Variants in SLC25A40 observed in about 807,000 individuals in gnomAD.
SLC25A40 encodes solute carrier family 25 member 40.
A neutral mutation model predicts 46.5 loss-of-function variants in SLC25A40; 41 were observed. That is an observed-to-expected ratio of 0.88 (90% CI 0.69 to 1.14). SLC25A40 has a LOEUF of 1.14. Ranked by LOEUF, SLC25A40 falls within the 50% of genes most tolerant of loss-of-function variation. SLC25A40 has a pLI of 0.00. For synonymous variants in SLC25A40, 126 were observed against 127.5 expected (o/e 0.99, Z 0.08); for missense variants, 386 against 393.6 (o/e 0.98, Z 0.16).
chr7:87,868,650 G>A (rs1038203638), intron 1 of SLC25A40, among the ~76,000 whole-genome samples: 71 of 152,164 alleles, frequency 4.7e-4, no homozygotes, highest in African/African-American at 1.7e-3. Context: ...AAAGGGAACG[G>A]GTGAAGAAAT....
chr7:87,867,307 C>A (rs1272858255), intron 1 of SLC25A40, among the ~76,000 whole-genome samples: 2 of 151,982 alleles, frequency 1.3e-5, no homozygotes, highest in Non-Finnish European at 2.9e-5. Context: ...TCTTTTTATT[C>A]TCCTCTGTGT....
intron 10 of SLC25A40, among the ~76,000 whole-genome samples, chr7:87,837,602 TATAAAC>T (rs1454872520): frequency 1.3e-5 from 2 of 151,342 alleles, no homozygotes; most frequent in Non-Finnish European, 3.0e-5. Flanking sequence ...GTCACTGAAG[TATAAAC>T]ATAAAGCTTA....
chr7:87,874,058 G>A (rs374642791), intron 1 of SLC25A40, among the ~76,000 whole-genome samples: 3 of 152,136 alleles, frequency 2.0e-5, no homozygotes, highest in East Asian at 1.9e-4. Flanking sequence ...TATCCTTACT[G>A]ACTACAGCCA....
rs1336347770 is a variant in SLC25A40 at position 87,833,890 on chromosome 7, C to CAGTT, written c.*2355_*2358dup. On this transcript the variant is annotated 3_prime_UTR_variant, in exon 12 of 12. Transcript: ENST00000341119. Reference sequence around the variant, plus strand: ...GAGGGAAAAATTTAAAAAACATATGCAGTTAAATAACCATAATGAATAGTT... The same window carrying CAGTT: ...GAGGGAAAAATTTAAAAAACATATGCAGTTAGTTAAATAACCATAATGAATAGTT... 2 of 151,282 alleles carry CAGTT rather than the reference C, an allele frequency of 1.3e-5. No individual in the cohort carries two copies. Among genetic ancestry groups the CAGTT allele is most frequent in the Non-Finnish European group, 3.0e-5 (2 of 67,750 alleles). 9.4% of individuals were successfully genotyped at this position (151,282 alleles called of 1,614,324 possible).
intron 2 of SLC25A40, chr7:87,860,074 G>A (rs191723886): frequency 6.6e-6 from 1 of 152,130 alleles, no homozygotes; most frequent in African/African-American, 2.4e-5. Context: ...GCGCAAACCT[G>A]TAGTCCCAGT....
At position 87,858,686 on chromosome 7, in the gene SLC25A40, T is replaced by C; in HGVS notation, c.42A>G (p.Thr14=). 6.2e-7 allele frequency: 1 copy of C among 1,613,222 alleles called. No homozygotes were observed. The highest frequency in any genetic ancestry group is 1.3e-5 in the African/African-American group (1 of 75,022). Residue 14 remains threonine, a synonymous_variant, in exon 3 of 12, where the codon ACA becomes ACG. Transcript: ENST00000341119. ...ATGAGGCAAGCATTTGTTGAAGAGG[T>C]GTCACTTTGATAATCTCTTGTCCCC... ...ETRGQEIIKV[T]PLQQMLASCT...
chr7:87,841,131 A>C (rs1838325674), intron 10 of SLC25A40, among the ~76,000 whole-genome samples: 1 of 147,342 alleles, frequency 6.8e-6, no homozygotes, highest in Admixed American at 6.8e-5. Context: ...CTTAAAAACA[A>C]AATGTGTGTG....
chr7:87,840,168 T>A (rs954128397), intron 10 of SLC25A40, among the ~76,000 whole-genome samples: 22 of 151,768 alleles, frequency 1.4e-4, no homozygotes, highest in Non-Finnish European at 3.2e-4. Context: ...TAGGTTTAAA[T>A]GAGGAAACAT....
intron 8 of SLC25A40, among the ~76,000 whole-genome samples, chr7:87,845,758 C>T (rs1437811265): frequency 3.3e-5 from 5 of 152,096 alleles, no homozygotes; most frequent in Non-Finnish European, 7.4e-5. Context: ...AAACAGTGCC[C>T]AATCTTATTA....
intron 6 of SLC25A40, among the ~76,000 whole-genome samples, chr7:87,848,298 G>C (rs1838452586): frequency 6.6e-6 from 1 of 152,184 alleles, no homozygotes; most frequent in Admixed American, 6.5e-5. Context: ...TACTCAGGTA[G>C]CTGAGGAACA....
At chr7:87,864,217 A>C (rs892142169) in intron 1 of SLC25A40, among the ~76,000 whole-genome samples, 2 of 152,224 alleles carry the variant, frequency 1.3e-5, no homozygotes, top group African/African-American at 4.8e-5. Flanking sequence ...TATTTTAAAA[A>C]TTTAATTGAT....
intron 9 of SLC25A40, 90 bp from the exon 10 acceptor site, chr7:87,841,804 G>C: frequency 1.5e-6 from 1 of 662,596 alleles, no homozygotes; most frequent in Non-Finnish European, 2.3e-6. Context: ...TATTATTTAA[G>C]GATAATGAAA....
At chr7:87,852,271 C>A (rs1305946621) in intron 5 of SLC25A40, among the ~76,000 whole-genome samples, 3 of 151,834 alleles carry the variant, frequency 2.0e-5, no homozygotes, top group African/African-American at 4.8e-5. Flanking sequence ...ATAGCGAAAA[C>A]AACTTTGAAA....
At position 87,875,544 on chromosome 7, in the gene SLC25A40, CAG is replaced by C. The variant is rs1838984480; in HGVS notation, c.-94+550_-94+551del. On this transcript the variant is annotated intron_variant, in intron 1 of 11. Transcript: ENST00000341119. ...AAATATCCTCTTCCTCCTGAAGAAACAGATTTTTTTTTTTTTTTGGAGAGGCA... is the reference window on the plus strand; with the variant it reads ...AAATATCCTCTTCCTCCTGAAGAAACATTTTTTTTTTTTTTTGGAGAGGCA... 8.0e-5 allele frequency among the ~76,000 whole-genome samples: 12 copies of C among 149,892 alleles called. No individual in the cohort carries two copies. In the South Asian group the frequency reaches 2.5e-3, roughly 32 times the overall value.
intron 3 of SLC25A40, among the ~76,000 whole-genome samples, chr7:87,857,738 A>G (rs759564182): frequency 2.6e-5 from 4 of 152,208 alleles, no homozygotes; most frequent in Admixed American, 6.5e-5. Context: ...GTACAAATTG[A>G]TTGTAAAACA....
At chr7:87,858,784 T>A in intron 2 of SLC25A40, 33 bp from the exon 3 acceptor site, 1 of 1,169,148 alleles carries the variant, frequency 8.6e-7, no homozygotes, top group Non-Finnish European at 1.3e-6. Flanking sequence ...TTAGAGCACA[T>A]CCTCTGATCT....
At chr7:87,837,957 A>G (rs1838280252) in intron 10 of SLC25A40, among the ~76,000 whole-genome samples, 1 of 151,562 alleles carries the variant, frequency 6.6e-6, no homozygotes, top group Non-Finnish European at 1.5e-5. Context: ...AGAAAAGTTA[A>G]AGATAAAATG....
chr7:87,836,029 CAATGG>C lies in SLC25A40; in HGVS notation c.*215_*219del. ...AGTAATCTATTTTTACAAGAATGCTCAATGGTGGTGATTTCTAGAATATCTTTTTC... is the reference window on the plus strand; with the variant it reads ...AGTAATCTATTTTTACAAGAATGCTCTGGTGATTTCTAGAATATCTTTTTC... On this transcript the variant is annotated 3_prime_UTR_variant, in exon 12 of 12. Transcript: ENST00000341119. The C allele has an allele frequency of 2.5e-6, 1 of 398,252 alleles. No individual in the cohort carries two copies. The allele number at this position is 398,252 out of a possible 1,614,324, so 24.7% of individuals were successfully genotyped here.
At chr7:87,854,461 G>A (rs1838571374) in intron 4 of SLC25A40, 151 bp from the exon 5 acceptor site, 2 of 586,752 alleles carry the variant, frequency 3.4e-6, no homozygotes, top group Non-Finnish European at 6.0e-6. Flanking sequence ...CTACTTTTTA[G>A]GATGAAACAG....
Sources: allele counts gnomAD v4.1 joint callset (sites outside exome capture counted in the v4.1 genomes callset), GRCh38; gene constraint gnomAD v4.1.1; transcripts MANE v1.5; gene names NCBI Gene and HGNC (gene_info 2026-07-23, HGNC 2026-07-21).